DOK5: variants seen among roughly 807,000 people sequenced by gnomAD.
DOK5 encodes the protein docking protein 5, also known as downstream of tyrosine kinase 5.
In DOK5, 27 loss-of-function variants were observed where a neutral mutation model predicts 43.3. The observed-to-expected ratio is 0.62, with a 90% CI of 0.46 to 0.86. The LOEUF is 0.86. Among genes scored for constraint, DOK5 ranks in the 40% least tolerant of loss-of-function variants. DOK5 has a pLI of 0.00. For missense variants in DOK5, 373 were observed against 392.9 expected, an observed-to-expected ratio of 0.95 and a Z score of 0.43; for synonymous variants, 146 against 140.1, an observed-to-expected ratio of 1.04 and a Z score of -0.30.
At chr20:54,554,042 C>T (rs1249953049) in intron 1 of DOK5, among the ~76,000 whole-genome samples, 1 of 151,712 alleles carries the variant, frequency 6.6e-6, no homozygotes, top group Non-Finnish European at 1.5e-5. Context: ...TTTTAATGTG[C>T]TAGTGTACCT....
chr20:54,500,555 G>A (rs1982554947), intron 1 of DOK5, among the ~76,000 whole-genome samples: 3 of 133,672 alleles, frequency 2.2e-5, no homozygotes. Flanking sequence ...CATACCCAGT[G>A]TATTTTTTTT....
rs386394048 is a variant in DOK5, at chr20:54,646,248, G to GTTTTTTTT, written c.856+2687_856+2694dup. ...TACTGTTATATCCACTGGTTATACT[G>GTTTTTTTT]TTTTTTTTTTTTTTTTTTTTTTTTG... On this transcript the variant is annotated intron_variant, in intron 7 of 7. Coordinates refer to ENST00000262593, the MANE Select transcript of DOK5 (RefSeq NM_018431.5). 1.1e-3 allele frequency among the ~76,000 whole-genome samples: 86 copies of GTTTTTTTT among 79,924 alleles called. 5 individuals are homozygous for GTTTTTTTT. The highest frequency in any genetic ancestry group is 1.3e-3 in the Non-Finnish European group (60 of 46,208). 52.4% of individuals were successfully genotyped at this position (79,924 alleles called of 152,430 possible). A position where few individuals can be genotyped will look rare whatever the true frequency, so the allele number is the denominator to read the frequency against.
At chr20:54,584,076 G>A (rs1985722802) in intron 2 of DOK5, among the ~76,000 whole-genome samples, 1 of 152,028 alleles carries the variant, frequency 6.6e-6, no homozygotes, top group Non-Finnish European at 1.5e-5. Context: ...CTTGAACCCA[G>A]GAGGCAGAGG....
intron 1 of DOK5, among the ~76,000 whole-genome samples, chr20:54,535,417 A>G (rs958024473): frequency 3.3e-5 from 5 of 152,090 alleles, no homozygotes; most frequent in East Asian, 1.9e-4. Flanking sequence ...TGTTGCTTCA[A>G]TAATGTGGAG....
chr20:54,644,470 C>G (rs919460285), intron 7 of DOK5, among the ~76,000 whole-genome samples: 8 of 151,734 alleles, frequency 5.3e-5, no homozygotes, highest in Non-Finnish European at 2.9e-5. Flanking sequence ...TTTGGGAGGC[C>G]GAGGCGGGCG....
intron 1 of DOK5, among the ~76,000 whole-genome samples, chr20:54,493,743 C>A (rs529044345): frequency 6.6e-6 from 1 of 151,730 alleles, no homozygotes; most frequent in East Asian, 1.9e-4. Flanking sequence ...TTGAGACAAA[C>A]CTGGGCAACA....
At chr20:54,645,925 CAAAAAAAAAAAAAAAAAA>C (rs550943378) in intron 7 of DOK5, among the ~76,000 whole-genome samples, 1 of 85,880 alleles carries the variant, frequency 1.2e-5, no homozygotes, top group Non-Finnish European at 2.2e-5. Flanking sequence ...GCAGATGCTG[CAAAAAAAAAAAAAAAAAA>C]AAAAAAAAAA....
intron 2 of DOK5, among the ~76,000 whole-genome samples, chr20:54,561,472 A>G (rs1309755215): frequency 6.6e-6 from 1 of 152,188 alleles, no homozygotes; most frequent in Non-Finnish European, 1.5e-5. Context: ...GGCGTCAGCC[A>G]TCTTGGCCCA....
chr20:54,563,389 A>G (rs191193112), intron 2 of DOK5, among the ~76,000 whole-genome samples: 7 of 152,214 alleles, frequency 4.6e-5, no homozygotes, highest in Middle Eastern at 6.8e-3. Context: ...TGTTTTATTA[A>G]CTTCCAACAT....
Position 54,588,502 on chromosome 20 carries a change from T to G in DOK5, c.194T>G (p.Val65Gly). ...CYHKVTELNN[V>G]KNVARLPKST... ...TTTCAGGTTACAGAACTCAATAATGTGAAGAACGTAGCTCGATTGCCAAAA... is the reference window on the plus strand; with the variant it reads ...TTTCAGGTTACAGAACTCAATAATGGGAAGAACGTAGCTCGATTGCCAAAA... Residue 65 changes from valine to glycine, a missense_variant, in exon 3 of 8, where the codon GTG becomes GGG. Transcript: ENST00000262593. The G allele has an allele frequency of 6.2e-7, 1 of 1,614,132 alleles. No individual in the cohort carries two copies. The highest frequency in any genetic ancestry group is 8.5e-7 in the Non-Finnish European group (1 of 1,179,966).
chr20:54,502,305 A>G (rs1467314463), intron 1 of DOK5, among the ~76,000 whole-genome samples: 1 of 152,238 alleles, frequency 6.6e-6, no homozygotes, highest in Non-Finnish European at 1.5e-5. Context: ...TCTTCTATGT[A>G]TAAGGTAATT....
intron 1 of DOK5, among the ~76,000 whole-genome samples, chr20:54,524,643 C>T (rs548717548): frequency 3.9e-4 from 60 of 152,282 alleles, no homozygotes; most frequent in Admixed American, 2.6e-3. Context: ...AATGTGTTTG[C>T]CCAAAGTCAC....
chr20:54,595,857 A>AT (rs1971091765), intron 5 of DOK5, among the ~76,000 whole-genome samples: 1 of 152,156 alleles, frequency 6.6e-6, no homozygotes, highest in Admixed American at 6.5e-5. Flanking sequence ...AGTAATCTCT[A>AT]TTTTTTGCTA....
chr20:54,499,157 C>G (rs1982503605), intron 1 of DOK5, among the ~76,000 whole-genome samples: 1 of 152,188 alleles, frequency 6.6e-6, no homozygotes, highest in Non-Finnish European at 1.5e-5. Flanking sequence ...CTTAATTTAA[C>G]TCTTGGGATA....
intron 5 of DOK5, among the ~76,000 whole-genome samples, chr20:54,595,157 C>T (rs376546552): frequency 9.2e-5 from 14 of 151,972 alleles, no homozygotes; most frequent in South Asian, 4.2e-4. Flanking sequence ...CTGGCTAACA[C>T]GGTGAAACCC....
chr20:54,528,044 CA>C (rs1983636722), intron 1 of DOK5, among the ~76,000 whole-genome samples: 1 of 151,908 alleles, frequency 6.6e-6, no homozygotes, highest in Non-Finnish European at 1.5e-5. Flanking sequence ...CTGTCTCTAC[CA>C]AAAATACAAA....
chr20:54,543,261 C>T (rs1351842402), intron 1 of DOK5, among the ~76,000 whole-genome samples: 1 of 119,614 alleles, frequency 8.4e-6, no homozygotes, highest in Non-Finnish European at 1.6e-5. Context: ...AGAACTCATA[C>T]ATTTATATAT....
rs191786624 is a variant in DOK5, at chr20:54,559,579, G to A, written c.174+4539G>A. Reference sequence around the variant, plus strand: ...GGTCAAAGAAATTGGCAACTGCAACGTTTATGGCCCCATCTTTGAGATTCA... The same window carrying A: ...GGTCAAAGAAATTGGCAACTGCAACATTTATGGCCCCATCTTTGAGATTCA... On this transcript the variant is annotated intron_variant, in intron 2 of 7. Coordinates refer to ENST00000262593, the MANE Select transcript of DOK5 (RefSeq NM_018431.5). Among the ~76,000 whole-genome samples the A allele has an allele frequency of 9.2e-5, 14 of 152,326 alleles. 1 individual carries two copies. Among genetic ancestry groups the A allele is most frequent in the South Asian group, 8.3e-4 (4 of 4,832 alleles).
intron 2 of DOK5, among the ~76,000 whole-genome samples, chr20:54,569,032 C>T (rs554170436): frequency 1.3e-5 from 2 of 150,042 alleles, no homozygotes; most frequent in Admixed American, 6.6e-5. Context: ...TAGTCCCTGC[C>T]GTCAGAAAAA....
Sources: allele counts gnomAD v4.1 joint callset (sites outside exome capture counted in the v4.1 genomes callset), GRCh38; gene constraint gnomAD v4.1.1; transcripts MANE v1.5; gene names NCBI Gene and HGNC (gene_info 2026-07-23, HGNC 2026-07-21).